PNPLA3: variants seen among roughly 807,000 people sequenced by gnomAD.
PNPLA3 encodes 1-acylglycerol-3-phosphate O-acyltransferase PNPLA3.
Under a neutral mutation model 43.1 loss-of-function variants are expected in PNPLA3, and 42 were observed. The observed-to-expected ratio is 0.97, with a 90% CI of 0.76 to 1.26. The LOEUF (loss-of-function observed/expected upper bound fraction) is 1.26, where lower values mean the gene tolerates loss of function less well. Ranked by LOEUF, PNPLA3 falls within the 50% of genes most tolerant of loss-of-function variation. PNPLA3 has a pLI of 0.00. For missense variants in PNPLA3, 647 were observed against 621.4 expected (o/e 1.04, Z -0.44); for synonymous variants, 272 against 253.6 (o/e 1.07, Z -0.69).
intron 6 of PNPLA3, chr22:43,939,433 G>A (rs190967283): frequency 3.0e-4 from 288 of 971,462 alleles, no homozygotes; most frequent in Non-Finnish European, 3.4e-4. Context: ...AAAGGAGCTG[G>A]GAGTGGGGAC....
Position 43,923,905 on chromosome 22 carries a change from C to G in PNPLA3, c.-7C>G. 6.6e-7 allele frequency: 1 copy of G among 1,521,754 alleles called. No individual in the cohort carries two copies. Among genetic ancestry groups the G allele is most frequent in the Non-Finnish European group, 8.8e-7 (1 of 1,142,796 alleles). 94.3% of individuals were successfully genotyped at this position (1,521,754 alleles called of 1,614,324 possible). On this transcript the variant is annotated 5_prime_UTR_variant, in exon 1 of 9. Coordinates refer to ENST00000216180, the MANE Select transcript of PNPLA3 (RefSeq NM_025225.3). ...CTAACCCGCGCCCCCGCCCCGCCGC[C>G]GCCGCCATGTACGACGCAGAGCGCG...
chr22:43,933,717 G>A (rs556817270), intron 4 of PNPLA3, among the ~76,000 whole-genome samples: 53 of 152,314 alleles, frequency 3.5e-4, no homozygotes, highest in African/African-American at 1.2e-3. Context: ...GAACAACTGC[G>A]TTCGGTAGTT....
chr22:43,931,051 CG>C (rs370333825), intron 3 of PNPLA3, among the ~76,000 whole-genome samples: 1 of 151,992 alleles, frequency 6.6e-6, no homozygotes, highest in African/African-American at 2.4e-5. Flanking sequence ...GGTGTGAACC[CG>C]GGGGGCGGAG....
intron 5 of PNPLA3, 111 bp from the exon 6 acceptor site, chr22:43,936,940 T>G: frequency 1.3e-6 from 1 of 798,820 alleles, no homozygotes; most frequent in Non-Finnish European, 2.1e-6. Context: ...TCCCCTTGCA[T>G]TTGGCTAATA....
Position 43,946,282 on chromosome 22 carries a change from T to G in PNPLA3, c.1346T>G (p.Ile449Ser). ...AAAGCAGAGGCCACCCCGCGGTCCA[T>G]CCTCAGGTCCAGCCTGAACTTCTTC... ...ETKAEATPRS[I>S]LRSSLNFFLG... The change falls in exon 9 of 9, where the codon ATC becomes AGC. Residue 449 changes from isoleucine (I) to serine (S), a missense_variant. Coordinates refer to ENST00000216180, the MANE Select transcript of PNPLA3 (RefSeq NM_025225.3). 3.7e-6 allele frequency: 6 copies of G among 1,614,140 alleles called. No individual in the cohort carries two copies. Among genetic ancestry groups the G allele is most frequent in the Non-Finnish European group, 5.1e-6 (6 of 1,180,020 alleles).
At chr22:43,941,338 G>T (rs1022942704) in intron 7 of PNPLA3, among the ~76,000 whole-genome samples, 4 of 151,648 alleles carry the variant, frequency 2.6e-5, no homozygotes, top group East Asian at 1.9e-4. Flanking sequence ...CTCTGAAAGT[G>T]GGGGGGATGG....
At position 43,940,220 on chromosome 22, in the gene PNPLA3, G is replaced by A. The variant is rs560451808; in HGVS notation, c.1112+95G>A. 48 of 1,402,726 alleles carry A rather than the reference G, an allele frequency of 3.4e-5. No individual in the cohort carries two copies. The African/African-American group carries it at 6.7e-4, about 20-fold the overall frequency. 86.9% of individuals were successfully genotyped at this position (1,402,726 alleles called of 1,614,324 possible). On this transcript the variant is annotated intron_variant, in intron 7 of 8. Coordinates refer to ENST00000216180, the MANE Select transcript of PNPLA3 (RefSeq NM_025225.3). Reference sequence around the variant, plus strand: ...ATGGTGGCATGTAGTCTGGGACCTGGATTGTCGTGCCACAGATCACAGCTC... The same window carrying A: ...ATGGTGGCATGTAGTCTGGGACCTGAATTGTCGTGCCACAGATCACAGCTC...
intron 6 of PNPLA3, among the ~76,000 whole-genome samples, chr22:43,937,674 C>T (rs2050004906): frequency 6.6e-6 from 1 of 152,174 alleles, no homozygotes; most frequent in South Asian, 2.1e-4. Context: ...GCATCTGGGA[C>T]TTGGCCTATT....
intron 8 of PNPLA3, among the ~76,000 whole-genome samples, chr22:43,945,019 C>T (rs2050053861): frequency 1.3e-5 from 2 of 152,210 alleles, no homozygotes; most frequent in African/African-American, 2.4e-5. Flanking sequence ...GGGAAGACTT[C>T]CCGTCGGATG....
In PNPLA3 at chr22:43,924,059, G is replaced by A. The variant is rs913092633; in HGVS notation, c.148G>A (p.Ala50Thr). The A allele has an allele frequency of 3.2e-6, 5 of 1,574,568 alleles. No individual in the cohort carries two copies. The African/African-American group carries it at 4.2e-5, about 13-fold the overall frequency. ...ARMLFGASAG[A>T]LHCVGVLSGI... ...CATGTTGTTCGGCGCTTCGGCCGGG[G>A]CGTTGCACTGCGTCGGCGTCCTCTC... Residue 50 changes from alanine (A) to threonine (T), a missense_variant, in exon 1 of 9, where the codon GCG becomes ACG. Transcript: ENST00000216180.
chr22:43,938,488 A>G (rs2050010332), intron 6 of PNPLA3, among the ~76,000 whole-genome samples: 1 of 152,192 alleles, frequency 6.6e-6, no homozygotes, highest in Non-Finnish European at 1.5e-5. Flanking sequence ...ACTTACAATC[A>G]TGGCAGAAGG....
In PNPLA3 at chr22:43,940,022, G is replaced by T; in HGVS notation, c.1009G>T (p.Gly337Ter). Residue 337 changes from glycine to a stop codon, truncating the protein, a stop_gained, in exon 7 of 9, where the codon GGA becomes TGA. Coordinates refer to ENST00000216180, the MANE Select transcript of PNPLA3 (RefSeq NM_025225.3). LOFTEE classifies it high-confidence loss of function. Reference protein sequence around the residue: ...ALSEEMKDKGGYMSKICNLLP... With the variant: ...ALSEEMKDKG ...GAGTGAAGAAATGAAAGACAAAGGT[G>T]GATACATGAGCAAGATTTGCAACTT... The T allele has an allele frequency of 6.2e-7, 1 of 1,614,140 alleles. No individual in the cohort carries two copies. Among genetic ancestry groups the T allele is most frequent in the Non-Finnish European group, 8.5e-7 (1 of 1,179,996 alleles).
intron 6 of PNPLA3, among the ~76,000 whole-genome samples, chr22:43,938,215 A>G (rs747005142): frequency 2.0e-5 from 3 of 152,240 alleles, no homozygotes; most frequent in Non-Finnish European, 4.4e-5. Context: ...TAAGTCAAAC[A>G]GAAGAACCCA....
At position 43,946,688 on chromosome 22, in the gene PNPLA3, C is replaced by A; in HGVS notation, c.*306C>A. 1 of 584,482 alleles carries A rather than the reference C, an allele frequency of 1.7e-6. No individual in the cohort carries two copies. The highest frequency in any genetic ancestry group is 3.3e-6 in the Non-Finnish European group (1 of 303,834). 36.2% of individuals were successfully genotyped at this position (584,482 alleles called of 1,614,324 possible). A position where few individuals can be genotyped will look rare whatever the true frequency, so the allele number is the denominator to read the frequency against. ...CCTATTAATGGTCAGACTGTTCCAGCATGAGGTTCTTAGAATGACAGGTGT... is the reference window on the plus strand; with the variant it reads ...CCTATTAATGGTCAGACTGTTCCAGAATGAGGTTCTTAGAATGACAGGTGT... On this transcript the variant is annotated 3_prime_UTR_variant, in exon 9 of 9. Coordinates refer to ENST00000216180, the MANE Select transcript of PNPLA3 (RefSeq NM_025225.3).
At chr22:43,944,596 A>G in intron 7 of PNPLA3, 95 bp from the exon 8 acceptor site, 1 of 948,828 alleles carries the variant, frequency 1.1e-6, no homozygotes, top group Non-Finnish European at 1.7e-6. Flanking sequence ...ATCAGATTGG[A>G]GGTGATGTTG....
intron 7 of PNPLA3, among the ~76,000 whole-genome samples, chr22:43,941,701 G>A (rs1353414518): frequency 3.3e-5 from 5 of 152,202 alleles, no homozygotes; most frequent in East Asian, 3.9e-4. Flanking sequence ...CAAGTTACTC[G>A]ACTTCTCTGA....
At chr22:43,928,984 A>G in intron 3 of PNPLA3, 95 bp downstream of exon 3, 3 of 1,281,720 alleles carry the variant, frequency 2.3e-6, no homozygotes, top group Non-Finnish European at 3.4e-6. Context: ...CGGGCACCTC[A>G]GGGTCTGTCC....
At position 43,946,453 on chromosome 22, in the gene PNPLA3, T is replaced by G. The variant is rs886057601; in HGVS notation, c.*71T>G. Reference sequence around the variant, plus strand: ...AGTTTCCCATCTTTGTGCAGCTACCTCCGCATTGCTGTGTAGTGACCCCTG... The same window carrying G: ...AGTTTCCCATCTTTGTGCAGCTACCGCCGCATTGCTGTGTAGTGACCCCTG... On this transcript the variant is annotated 3_prime_UTR_variant, in exon 9 of 9. Transcript: ENST00000216180. The G allele has an allele frequency of 2.9e-6, 4 of 1,395,786 alleles. No individual in the cohort carries two copies. In the Admixed American group the frequency reaches 5.1e-5, roughly 18 times the overall value. The allele number at this position is 1,395,786 out of a possible 1,614,324, so 86.5% of individuals were successfully genotyped here.
At position 43,940,048 on chromosome 22, in the gene PNPLA3, GC is replaced by G; in HGVS notation, c.1036del (p.Leu346TyrfsTer5). ...GATACATGAGCAAGATTTGCAACTT[GC>G]TACCCATTAGGATAATGTCTTATGT... Reference protein sequence around the residue: ...GGYMSKICNLLPIRIMSYVML... With the variant: ...GGYMSKICNLXPIRIMSYVML... On this transcript the variant is annotated frameshift_variant, in exon 7 of 9. Transcript: ENST00000216180. LOFTEE classifies it high-confidence loss of function. The G allele has an allele frequency of 8.1e-6, 13 of 1,614,056 alleles. No individual in the cohort carries two copies. Among genetic ancestry groups the G allele is most frequent in the Non-Finnish European group, 1.1e-5 (13 of 1,179,908 alleles).
Sources: allele counts gnomAD v4.1 joint callset (sites outside exome capture counted in the v4.1 genomes callset), GRCh38; gene constraint gnomAD v4.1.1; transcripts MANE v1.5; gene names NCBI Gene and HGNC (gene_info 2026-07-23, HGNC 2026-07-21).